TMEM232: variants seen among roughly 807,000 people sequenced by gnomAD.
TMEM232 encodes transmembrane protein 232.
Under a neutral mutation model 78.8 loss-of-function variants are expected in TMEM232, and 80 were observed. The ratio of observed to expected loss-of-function variants is 1.01; its 90% CI spans 0.85 to 1.22. The LOEUF is 1.22. TMEM232 is among the 50% of genes most tolerant of loss of function. The probability of loss-of-function intolerance (pLI) is 0.00; values close to 1 mark genes in which losing one functional copy is unlikely to be tolerated. For synonymous variants in TMEM232, 297 were observed against 254.3 expected, an observed-to-expected ratio of 1.17 and a Z score of -1.60; for missense variants, 881 against 742.2, an observed-to-expected ratio of 1.19 and a Z score of -2.17.
intron 12 of TMEM232, among the ~76,000 whole-genome samples, chr5:110,524,240 G>A (rs1295773167): frequency 6.6e-5 from 9 of 137,036 alleles, no homozygotes; most frequent in Admixed American, 1.5e-4. Context: ...CAGCTTGGGC[G>A]TCAGAACGAG....
chr5:110,485,126 C>T (rs1764322503), intron 12 of TMEM232, among the ~76,000 whole-genome samples: 1 of 152,094 alleles, frequency 6.6e-6, no homozygotes, highest in Non-Finnish European at 1.5e-5. Flanking sequence ...AGGAATCCTA[C>T]TACCCAGAAG....
intron 12 of TMEM232, among the ~76,000 whole-genome samples, chr5:110,434,233 A>G (rs138848058): frequency 0.018 from 2,712 of 151,534 alleles, 23 homozygotes; most frequent in Middle Eastern, 0.044. Context: ...CTAGATTAAA[A>G]AAGAAAACAG....
downstream of TMEM232, among the ~76,000 whole-genome samples, chr5:110,418,985 C>T (rs1232210387): frequency 2.0e-5 from 3 of 152,100 alleles, no homozygotes; most frequent in Admixed American, 6.6e-5. Flanking sequence ...TGGTAAGGCT[C>T]ATGTCACTGA....
At chr5:110,499,114 A>G (rs1196616789) in intron 12 of TMEM232, among the ~76,000 whole-genome samples, 3 of 152,198 alleles carry the variant, frequency 2.0e-5, no homozygotes, top group East Asian at 1.9e-4. Context: ...ATAGCAAAAC[A>G]TTTCATTAAT....
intron 12 of TMEM232, among the ~76,000 whole-genome samples, chr5:110,442,467 T>TA (rs972782953): frequency 5.3e-5 from 8 of 152,136 alleles, no homozygotes; most frequent in Admixed American, 2.0e-4. Flanking sequence ...CTGCTTGATT[T>TA]AAAAAAATAA....
chr5:110,680,716 T>A (rs965299828), intron 1 of TMEM232, among the ~76,000 whole-genome samples: 20 of 151,496 alleles, frequency 1.3e-4, no homozygotes, highest in Admixed American at 1.3e-3. Context: ...GGAAAAAAAA[T>A]AGAAAATAAT....
intron 1 of TMEM232, among the ~76,000 whole-genome samples, chr5:110,676,338 AG>A (rs1340312601): frequency 6.6e-6 from 1 of 151,570 alleles, no homozygotes; most frequent in Non-Finnish European, 1.5e-5. Flanking sequence ...TTTTTTTTTA[AG>A]GAACTTCTAC....
chr5:110,415,487 C>T (rs1178811410), downstream of TMEM232, among the ~76,000 whole-genome samples: 1 of 151,596 alleles, frequency 6.6e-6, no homozygotes, highest in Non-Finnish European at 1.5e-5. Context: ...GTGCCCGACC[C>T]CAACTTTTTT....
chr5:110,571,231 T>C (rs767066432), intron 10 of TMEM232, among the ~76,000 whole-genome samples: 1 of 152,058 alleles, frequency 6.6e-6, no homozygotes, highest in African/African-American at 2.4e-5. Context: ...CAGATATTCC[T>C]AGCATATAGC....
At chr5:110,445,613 A>G (rs1364466461) in intron 12 of TMEM232, among the ~76,000 whole-genome samples, 1 of 152,034 alleles carries the variant, frequency 6.6e-6, no homozygotes, top group East Asian at 1.9e-4. Flanking sequence ...AACATTTACC[A>G]TTTCAGGTTT....
chr5:110,489,437 G>A (rs1156562703), intron 12 of TMEM232, among the ~76,000 whole-genome samples: 3 of 151,900 alleles, frequency 2.0e-5, no homozygotes, highest in African/African-American at 7.2e-5. Context: ...CACAGAAAAA[G>A]CATTTGACAA....
intron 2 of TMEM232, among the ~76,000 whole-genome samples, chr5:110,647,132 T>C (rs1161126577): frequency 3.3e-5 from 5 of 152,030 alleles, no homozygotes; most frequent in Non-Finnish European, 4.4e-5. Flanking sequence ...TGTGCAAGCA[T>C]TGTATGTGTA....
chr5:110,542,753 C>T (rs533527866), intron 11 of TMEM232, among the ~76,000 whole-genome samples: 4 of 152,252 alleles, frequency 2.6e-5, no homozygotes, highest in South Asian at 4.1e-4. Context: ...CCCAACTTCT[C>T]ATGCCCAAGG....
intron 10 of TMEM232, among the ~76,000 whole-genome samples, chr5:110,593,025 T>G (rs1445333475): frequency 6.6e-6 from 1 of 152,192 alleles, no homozygotes; most frequent in Non-Finnish European, 1.5e-5. Context: ...TGATTGTTCT[T>G]GGATGTCATA....
intron 12 of TMEM232, among the ~76,000 whole-genome samples, chr5:110,480,446 T>C (rs981007304): frequency 1.3e-5 from 2 of 151,824 alleles, no homozygotes; most frequent in Non-Finnish European, 2.9e-5. Context: ...AAACAGAGAG[T>C]TCATATTAAG....
chr5:110,662,142 T>A (rs1359156724), intron 2 of TMEM232, among the ~76,000 whole-genome samples: 1 of 152,166 alleles, frequency 6.6e-6, no homozygotes, highest in Non-Finnish European at 1.5e-5. Context: ...TATTTGTGTA[T>A]GTAAAATCAA....
At chr5:110,692,819 G>C (rs936239098) in intron 1 of TMEM232, among the ~76,000 whole-genome samples, 1 of 152,176 alleles carries the variant, frequency 6.6e-6, no homozygotes, top group Admixed American at 6.5e-5. Flanking sequence ...GAACTGGGTA[G>C]AGCCCATCAC....
downstream of TMEM232, among the ~76,000 whole-genome samples, chr5:110,415,354 A>T (rs545021740): frequency 7.1e-4 from 108 of 151,488 alleles, no homozygotes; most frequent in African/African-American, 2.5e-3. Flanking sequence ...CACCTGGCTA[A>T]TTTTTTTGTA....
intron 12 of TMEM232, among the ~76,000 whole-genome samples, chr5:110,521,777 AATTT>A (rs1439708963): frequency 6.6e-6 from 1 of 152,036 alleles, no homozygotes; most frequent in Non-Finnish European, 1.5e-5. Flanking sequence ...TCTGGTCATG[AATTT>A]ATTTCTGGTC....
Sources: allele counts gnomAD v4.1 joint callset (sites outside exome capture counted in the v4.1 genomes callset), GRCh38; gene constraint gnomAD v4.1.1; transcripts MANE v1.5; gene names NCBI Gene and HGNC (gene_info 2026-07-23, HGNC 2026-07-21).